Variants in ATP13A4 observed in about 807,000 individuals in gnomAD.
The protein encoded by ATP13A4 is probable cation-transporting ATPase 13A4.
In ATP13A4, 114 loss-of-function variants were observed where a neutral mutation model predicts 142.5. The observed-to-expected ratio is 0.80, with a 90% CI of 0.69 to 0.93. The LOEUF is 0.93. Among genes scored for constraint, ATP13A4 ranks in the 40% least tolerant of loss-of-function variants. The pLI is 0.00. For missense variants in ATP13A4, 1,392 were observed against 1,454.0 expected (o/e 0.96, Z 0.69); for synonymous variants, 488 against 514.8 (o/e 0.95, Z 0.70).
intron 21 of ATP13A4, 190 bp downstream of exon 21, chr3:193,440,368 A>T: frequency 9.0e-7 from 1 of 1,114,126 alleles, no homozygotes; most frequent in Non-Finnish European, 1.2e-6. Context: ...AAACAACTGA[A>T]TCAGGATCTC....
chr3:193,508,854 A>G (rs1367283555), intron 2 of ATP13A4, among the ~76,000 whole-genome samples: 3 of 152,200 alleles, frequency 2.0e-5, no homozygotes, highest in Admixed American at 6.5e-5. Flanking sequence ...TATTTATTAT[A>G]GATTCAACTT....
intron 8 of ATP13A4, among the ~76,000 whole-genome samples, chr3:193,478,988 C>T (rs1281968461): frequency 1.3e-5 from 2 of 152,090 alleles, no homozygotes; most frequent in East Asian, 1.9e-4. Context: ...AAATGTGATA[C>T]ACCACATAAA....
At chr3:193,573,173 A>G (rs1724307190) in intron 2 of ATP13A4, among the ~76,000 whole-genome samples, 1 of 150,048 alleles carries the variant, frequency 6.7e-6, no homozygotes, top group African/African-American at 2.5e-5. Context: ...AACTCTAAAC[A>G]GTGTGACCAA....
intron 17 of ATP13A4, among the ~76,000 whole-genome samples, chr3:193,453,841 T>A (rs988858424): frequency 2.6e-5 from 4 of 152,238 alleles, no homozygotes; most frequent in African/African-American, 4.8e-5. Context: ...CACATCATAT[T>A]AAACATCTTA....
At position 193,519,626 on chromosome 3, in the gene ATP13A4, A is replaced by ATTT. The variant is rs147173408; in HGVS notation, c.61-4758_61-4756dup. Among the ~76,000 whole-genome samples, 22 of 69,040 alleles carry ATTT rather than the reference A, an allele frequency of 3.2e-4. 1 individual carries two copies. The highest frequency in any genetic ancestry group is 9.5e-4 in the East Asian group (2 of 2,098). The allele number at this position is 69,040 out of a possible 152,430, so 45.3% of individuals were successfully genotyped here. On this transcript the variant is annotated intron_variant, in intron 1 of 29. Transcript: ENST00000342695. ...GAATTTTCACAATTTGCAATTTGTA[A>ATTT]TTTTTTTTTTTTTTTTTTTTTTTTT... is the stretch of plus-strand genomic sequence containing the variant.
At chr3:193,566,544 T>C (rs932490899) in intron 2 of ATP13A4, among the ~76,000 whole-genome samples, 7 of 152,160 alleles carry the variant, frequency 4.6e-5, no homozygotes, top group African/African-American at 1.7e-4. Context: ...TGGCACCCCT[T>C]TCCCTCTATC....
At chr3:193,475,976 T>A (rs1488366334) in intron 8 of ATP13A4, among the ~76,000 whole-genome samples, 1 of 151,938 alleles carries the variant, frequency 6.6e-6, no homozygotes, top group African/African-American at 2.4e-5. Flanking sequence ...GAACCAGAAC[T>A]TTGGGTATAG....
chr3:193,567,543 A>G (rs916415638), intron 2 of ATP13A4, among the ~76,000 whole-genome samples: 16 of 152,318 alleles, frequency 1.1e-4, no homozygotes, highest in Admixed American at 9.8e-4. Context: ...ATTTCCAAAG[A>G]AGAGGACCCA....
At position 193,412,260 on chromosome 3, in the gene ATP13A4, C is replaced by T; in HGVS notation, c.3126G>A (p.Trp1042Ter). 15 of 1,613,522 alleles carry T rather than the reference C, an allele frequency of 9.3e-6. No individual in the cohort carries two copies. Among genetic ancestry groups the T allele is most frequent in the Non-Finnish European group, 1.3e-5 (15 of 1,179,474 alleles). ...TFTSFENTTVWFLGTINCITV... is the reference protein window; with the variant it reads ...TFTSFENTTV ...TGATACAGTTGATTGTTCCCAAGAA[C>T]CAGACTGTAGTGTTCTCAAAACTTG... is the stretch of plus-strand genomic sequence containing the variant. Residue 1042 changes from tryptophan (W) to a stop codon, truncating the protein, a stop_gained, in exon 27 of 30, where the codon TGG (tryptophan) becomes TGA (stop). Coordinates refer to ENST00000342695, the MANE Select transcript of ATP13A4 (RefSeq NM_032279.4). LOFTEE classifies it high-confidence loss of function.
intron 25 of ATP13A4, among the ~76,000 whole-genome samples, chr3:193,426,923 C>T (rs1715697120): frequency 6.6e-6 from 1 of 151,866 alleles, no homozygotes; most frequent in Admixed American, 6.6e-5. Flanking sequence ...TATTCATAAC[C>T]TTGAATTTGG....
chr3:193,404,838 GC>G (rs1412611269), intron 29 of ATP13A4, among the ~76,000 whole-genome samples: 1 of 152,122 alleles, frequency 6.6e-6, no homozygotes, highest in Non-Finnish European at 1.5e-5. Flanking sequence ...AAAAACGAAA[GC>G]CTTAGTGAGA....
rs1378759425 is a variant in ATP13A4, at chr3:193,442,536, T to C, written c.2173A>G (p.Ile725Val). 3.1e-6 allele frequency: 5 copies of C among 1,613,900 alleles called. No homozygotes were observed. Among genetic ancestry groups the C allele is most frequent in the East Asian group, 2.2e-5 (1 of 44,882 alleles). ...ATTCCAGATTTTCTGGCCACTGTTA[T>C]TGCAGTCTGAAGATTGTCACCTAGA... is the stretch of plus-strand genomic sequence containing the variant. Reference protein sequence around the residue: ...MITGDNLQTAITVARKSGMVS... With the variant: ...MITGDNLQTAVTVARKSGMVS... Residue 725 changes from isoleucine (I) to valine (V), a missense_variant, in exon 19 of 30, where the codon ATA becomes GTA. Transcript: ENST00000342695.
intron 16 of ATP13A4, among the ~76,000 whole-genome samples, chr3:193,455,166 G>T (rs1290012024): frequency 6.6e-6 from 1 of 151,800 alleles, no homozygotes; most frequent in East Asian, 1.9e-4. Flanking sequence ...GTGAAACCCC[G>T]TCTCTACTAA....
At chr3:193,591,996 C>A (rs1466982089) in intron 1 of ATP13A4, among the ~76,000 whole-genome samples, 1 of 151,810 alleles carries the variant, frequency 6.6e-6, no homozygotes, top group Non-Finnish European at 1.5e-5. Context: ...TTCTAAGAGT[C>A]CTGCATTTGG....
intron 1 of ATP13A4, among the ~76,000 whole-genome samples, chr3:193,538,892 CTTTTTTTTTT>C (rs67132373): frequency 8.3e-6 from 1 of 120,856 alleles, no homozygotes; most frequent in African/African-American, 3.0e-5. Flanking sequence ...TTGGTTTTTT[CTTTTTTTTTT>C]TTTTTTTTTG....
Position 193,457,084 on chromosome 3 carries a change from T to G in ATP13A4, c.1831A>C (p.Ile611Leu). 6.2e-7 allele frequency: 1 copy of G among 1,614,024 alleles called. No individual in the cohort carries two copies. Among genetic ancestry groups the G allele is most frequent in the Non-Finnish European group, 8.5e-7 (1 of 1,180,040 alleles). The part of the protein sequence containing the change: ...FSSALQRMTV[I>L]VQEMGGDRLA... ...CGGTCACCTCCCATCTCTTGGACAA[T>G]GACTGTCATTCTTTGCAGTGCCGAT... Residue 611 changes from isoleucine to leucine, a missense_variant, in exon 16 of 30, where the codon ATT becomes CTT. Transcript: ENST00000342695.
intron 1 of ATP13A4, among the ~76,000 whole-genome samples, chr3:193,525,160 T>C (rs1213716246): frequency 6.6e-6 from 1 of 152,188 alleles, no homozygotes; most frequent in African/African-American, 2.4e-5. Context: ...GATTCTAGTC[T>C]AAGGAAGAAT....
chr3:193,431,929 G>T (rs902157981), intron 25 of ATP13A4, among the ~76,000 whole-genome samples: 2 of 151,932 alleles, frequency 1.3e-5, no homozygotes, highest in African/African-American at 4.8e-5. Context: ...TTAGAATCTG[G>T]CTAATGGAAA....
At chr3:193,442,059 C>G (rs1482406718) in intron 19 of ATP13A4, among the ~76,000 whole-genome samples, 1 of 152,208 alleles carries the variant, frequency 6.6e-6, no homozygotes, top group African/African-American at 2.4e-5. Context: ...AGCAGCATCT[C>G]TCCCAAAGAC....
Sources: gnomAD v4.1 joint callset for allele counts (sites outside exome capture counted in the v4.1 genomes callset) on GRCh38, gnomAD v4.1.1 for gene constraint, MANE v1.5 for transcripts, NCBI Gene and HGNC (gene_info 2026-07-23, HGNC 2026-07-21) for gene names.